The following EIF2S3 variants were observed in gnomAD, a reference collection of about 807,000 sequenced individuals.
The protein encoded by EIF2S3 is eukaryotic translation initiation factor 2 subunit gamma.
In EIF2S3, 2 loss-of-function variants were observed where a neutral mutation model predicts 31.7. The observed-to-expected ratio is 0.06, with a 90% CI of 0.03 to 0.20. The LOEUF is 0.20. Ranked by LOEUF, EIF2S3 falls within the 10% of genes least tolerant of loss-of-function variation. The pLI, the probability that EIF2S3 is intolerant of heterozygous loss-of-function variation, is 1.00. For synonymous variants in EIF2S3, 120 were observed against 126.7 expected (o/e 0.95, Z 0.36); for missense variants, 96 against 359.3 (o/e 0.27, Z 5.92).
intron 8 of EIF2S3, among the ~76,000 whole-genome samples, chrX:24,066,486 A>G (rs1602044932): frequency 9.6e-6 from 1 of 104,411 alleles, no homozygotes; most frequent in African/African-American, 3.5e-5. Context: ...ATAATACTTC[A>G]TTGCATATAT....
chrX:24,075,522 GTCT>G (rs1331413171), intron 11 of EIF2S3, among the ~76,000 whole-genome samples: 3 of 111,544 alleles, frequency 2.7e-5, no homozygotes, highest in Non-Finnish European at 3.8e-5. Context: ...GTCAAAATTA[GTCT>G]TCTTAAAACA....
chrX:24,064,697 C>T (rs775488651), intron 7 of EIF2S3, among the ~76,000 whole-genome samples: 4 of 111,511 alleles, frequency 3.6e-5, no homozygotes, highest in South Asian at 7.5e-4. Context: ...GGCATGGTGG[C>T]GGGTGCCTGT....
In EIF2S3 at chrX:24,078,349, C is replaced by T. The variant is rs1228486289; in HGVS notation, c.*1564C>T. Among the ~76,000 whole-genome samples, 5 of 109,993 alleles carry T rather than the reference C, an allele frequency of 4.5e-5. No individual in the cohort carries two copies. Among genetic ancestry groups the T allele is most frequent in the Admixed American group, 9.8e-5 (1 of 10,208 alleles). On this transcript the variant is annotated 3_prime_UTR_variant, in exon 12 of 12. Transcript: ENST00000253039. ...CTTATTTTTCTTTATGTTTTTGCTT[C>T]GTAAGAGGTTCTGTTGAGCAGTGAT...
At chrX:24,076,260 G>T (rs1292005554) in intron 11 of EIF2S3, among the ~76,000 whole-genome samples, 2 of 111,515 alleles carry the variant, frequency 1.8e-5, no homozygotes, top group African/African-American at 3.3e-5. Flanking sequence ...GTCCAGGCAC[G>T]GTGGCTCATG....
chrX:24,067,959 T>C lies in EIF2S3; in HGVS notation c.868-5T>C, dbSNP rs1322432054. 8.4e-7 allele frequency: 1 copy of C among 1,185,010 alleles called. No individual in the cohort carries two copies. Among genetic ancestry groups the C allele is most frequent in the Non-Finnish European group, 1.1e-6 (1 of 878,924 alleles). On this transcript the variant is annotated splice_polypyrimidine_tract_variant and splice_region_variant and intron_variant, in intron 8 of 11. Coordinates refer to ENST00000253039, the MANE Select transcript of EIF2S3 (RefSeq NM_001415.4). ...TAATTCTAATTACTAATTATATGTT[T>C]ACAGGTGGGCCAGGAGATAGAAGTA...
At chrX:24,055,800 T>C (rs1259415296) in intron 2 of EIF2S3, 122 bp downstream of exon 2, 1 of 689,249 alleles carries the variant, frequency 1.5e-6, no homozygotes, top group Non-Finnish European at 2.2e-6. Flanking sequence ...TGAGTCCTTG[T>C]GAATAAAGCA....
intron 5 of EIF2S3, 125 bp from the exon 6 acceptor site, chrX:24,062,291 C>A: frequency 1.4e-6 from 1 of 700,064 alleles, no homozygotes; most frequent in Admixed American, 3.9e-5. Context: ...AGCGTCAGTC[C>A]ACATGTTTTC....
At chrX:24,072,187 G>T (rs1476830416) in intron 10 of EIF2S3, among the ~76,000 whole-genome samples, 1 of 111,453 alleles carries the variant, frequency 9.0e-6, no homozygotes, top group Non-Finnish European at 1.9e-5. Flanking sequence ...CCAAAATTGA[G>T]AACTATATGG....
In EIF2S3 at chrX:24,055,693, A is replaced by C; in HGVS notation, c.133+15A>C. 1.7e-6 allele frequency: 2 copies of C among 1,203,498 alleles called. No homozygotes were observed. The highest frequency in any genetic ancestry group is 3.5e-5 in the African/African-American group (2 of 57,861). ...AATTAACATAGGTAAGAGTAACTTA[A>C]GAGACCTAACCTTGGTCTCCAACAA... On this transcript the variant is annotated intron_variant, in intron 2 of 11. Transcript: ENST00000253039.
In EIF2S3 at chrX:24,055,642, C is replaced by G; in HGVS notation, c.97C>G (p.His33Asp). Residue 33 changes from histidine to aspartate, a missense_variant, in exon 2 of 12, where the codon CAC becomes GAC. Coordinates refer to ENST00000253039, the MANE Select transcript of EIF2S3 (RefSeq NM_001415.4). ...LDVTKLTPLS[H>D]EVISRQATIN... ...TGTTACCAAGTTGACGCCACTTTCA[C>G]ACGAAGTTATCAGCAGACAAGCCAC... 8.3e-7 allele frequency: 1 copy of G among 1,211,466 alleles called. No homozygotes were observed. The highest frequency in any genetic ancestry group is 2.2e-5 in the Admixed American group (1 of 46,003).
chrX:24,062,392 T>C lies in EIF2S3; in HGVS notation c.479-24T>C, dbSNP rs190855249. ...ATATTTCCAGCTATTCTTATATGCATCTTTTTTATTCTTCATCAACTAGCT... is the reference window on the plus strand; with the variant it reads ...ATATTTCCAGCTATTCTTATATGCACCTTTTTTATTCTTCATCAACTAGCT... On this transcript the variant is annotated intron_variant, in intron 5 of 11. Transcript: ENST00000253039. The C allele has an allele frequency of 3.4e-4, 402 of 1,176,670 alleles. No individual in the cohort carries two copies. In the African/African-American group the frequency reaches 6.4e-3, roughly 19 times the overall value.
chrX:24,076,651 T>C (rs913487068), intron 11 of EIF2S3, 71 bp from the exon 12 acceptor site: 2 of 1,057,683 alleles, frequency 1.9e-6, no homozygotes, highest in Non-Finnish European at 2.6e-6. Context: ...GTAAAATTTA[T>C]CACAAGATTG....
At chrX:24,070,255 C>T (rs867332713) in intron 9 of EIF2S3, among the ~76,000 whole-genome samples, 2 of 102,075 alleles carry the variant, frequency 2.0e-5, no homozygotes, top group African/African-American at 7.1e-5. Flanking sequence ...CCTGTAATCC[C>T]AGGTCACAGT....
intron 9 of EIF2S3, among the ~76,000 whole-genome samples, chrX:24,070,147 C>T (rs181306222): frequency 4.7e-5 from 5 of 105,512 alleles, no homozygotes; most frequent in Non-Finnish European, 9.7e-5. Context: ...GTGGACGGAT[C>T]ACCTGAGGTC....
chrX:24,057,580 C>T, intron 3 of EIF2S3, 32 bp downstream of exon 3: 1 of 1,207,838 alleles, frequency 8.3e-7, no homozygotes, highest in Non-Finnish European at 1.1e-6. Context: ...GAGAAACTAA[C>T]TTTAATTGTT....
Position 24,063,281 on chromosome X carries a change from C to G in EIF2S3, c.637+707C>G, listed in dbSNP as rs1930520428. Among the ~76,000 whole-genome samples the G allele has an allele frequency of 2.7e-5, 3 of 112,122 alleles. No homozygotes were observed. In the South Asian group the frequency reaches 1.1e-3, roughly 40 times the overall value. ...AATAAATCTCTAGAGTGTCCCTTCTCTAATAGCATAATGTTTTTCATTTCA... is the reference window on the plus strand; with the variant it reads ...AATAAATCTCTAGAGTGTCCCTTCTGTAATAGCATAATGTTTTTCATTTCA... On this transcript the variant is annotated intron_variant, in intron 6 of 11. Coordinates refer to ENST00000253039, the MANE Select transcript of EIF2S3 (RefSeq NM_001415.4).
intron 5 of EIF2S3, chrX:24,060,497 T>C (rs191551787): frequency 1.2e-3 from 354 of 296,909 alleles, no homozygotes; most frequent in African/African-American, 8.9e-3. Context: ...TGTAAAACTA[T>C]TTGTGTTATG....
intron 9 of EIF2S3, among the ~76,000 whole-genome samples, chrX:24,069,267 G>A (rs775906643): frequency 1.1e-3 from 116 of 107,336 alleles, no homozygotes; most frequent in African/African-American, 3.7e-3. Context: ...CTGTAATCCC[G>A]GCTACTCGGG....
chrX:24,064,497 T>G (rs751924680), intron 7 of EIF2S3, among the ~76,000 whole-genome samples, 162 bp downstream of exon 7: 1 of 112,782 alleles, frequency 8.9e-6, no homozygotes, highest in Non-Finnish European at 1.9e-5. Context: ...CTAGATTGTA[T>G]TACTGAATGA....
Sources: allele counts gnomAD v4.1 joint callset (sites outside exome capture counted in the v4.1 genomes callset), GRCh38; gene constraint gnomAD v4.1.1; transcripts MANE v1.5; gene names NCBI Gene and HGNC (gene_info 2026-07-23, HGNC 2026-07-21).